The following NKAIN3 variants were observed in gnomAD, a reference collection of about 807,000 sequenced individuals.
NKAIN3 encodes sodium/potassium-transporting ATPase subunit beta-1-interacting protein 3.
Under a neutral mutation model 30.2 loss-of-function variants are expected in NKAIN3, and 25 were observed. That is an observed-to-expected ratio of 0.83 (90% confidence interval 0.60 to 1.16). The LOEUF (loss-of-function observed/expected upper bound fraction) is 1.16, where lower values mean the gene tolerates loss of function less well. Among genes scored for constraint, NKAIN3 ranks in the 50% most tolerant of loss-of-function variants. NKAIN3 has a pLI of 0.00. For missense variants in NKAIN3, 225 were observed against 254.1 expected, an observed-to-expected ratio of 0.89 and a Z score of 0.78; for synonymous variants, 91 against 89.6, an observed-to-expected ratio of 1.02 and a Z score of -0.09.
At chr8:62,572,178 T>C (rs1325903890) in intron 1 of NKAIN3, among the ~76,000 whole-genome samples, 2 of 152,194 alleles carry the variant, frequency 1.3e-5, no homozygotes, top group African/African-American at 4.8e-5. Flanking sequence ...GCTTTGCTGC[T>C]TAGAAATTTC....
intron 4 of NKAIN3, among the ~76,000 whole-genome samples, chr8:62,841,391 C>A (rs961603492): frequency 6.6e-6 from 1 of 152,060 alleles, no homozygotes; most frequent in African/African-American, 2.4e-5. Flanking sequence ...GGTCACCCTG[C>A]TGTGCAACAG....
intron 1 of NKAIN3, among the ~76,000 whole-genome samples, chr8:62,355,594 G>A (rs547426314): frequency 6.6e-6 from 1 of 152,264 alleles, no homozygotes; most frequent in East Asian, 1.9e-4. Flanking sequence ...AATGTACAAA[G>A]TCTTAGGGAT....
intron 4 of NKAIN3, among the ~76,000 whole-genome samples, chr8:62,899,128 G>A (rs182139652): frequency 6.2e-4 from 95 of 152,308 alleles, no homozygotes; most frequent in African/African-American, 2.1e-3. Context: ...GTATACTGTT[G>A]ATGGGAATGT....
chr8:62,321,519 C>T (rs1225904302), intron 1 of NKAIN3, among the ~76,000 whole-genome samples: 1 of 152,088 alleles, frequency 6.6e-6, no homozygotes, highest in Non-Finnish European at 1.5e-5. Context: ...TGTGGATGTC[C>T]TTTCTGTTTG....
chr8:62,846,865 A>T (rs1316036326), intron 4 of NKAIN3, among the ~76,000 whole-genome samples: 5 of 152,112 alleles, frequency 3.3e-5, no homozygotes, highest in African/African-American at 1.2e-4. Context: ...TCGAAGGTGA[A>T]TGAGGAGCAA....
At chr8:62,293,335 T>G (rs1028490329) in intron 1 of NKAIN3, among the ~76,000 whole-genome samples, 4 of 152,214 alleles carry the variant, frequency 2.6e-5, no homozygotes, top group Non-Finnish European at 5.9e-5. Flanking sequence ...ATTCTCAGCT[T>G]TTCTGCTATG....
At chr8:62,930,226 C>G (rs1334599252) in intron 5 of NKAIN3, among the ~76,000 whole-genome samples, 1 of 151,926 alleles carries the variant, frequency 6.6e-6, no homozygotes, top group Non-Finnish European at 1.5e-5. Context: ...TTCATCCTCC[C>G]CTCCCTCCAG....
intron 1 of NKAIN3, among the ~76,000 whole-genome samples, chr8:62,528,371 T>C (rs986182636): frequency 8.0e-6 from 1 of 125,168 alleles, no homozygotes; most frequent in Admixed American, 8.4e-5. Context: ...TGTTGTAGAA[T>C]AAATGTAACA....
At chr8:62,763,846 C>A (rs1459334642) in intron 4 of NKAIN3, among the ~76,000 whole-genome samples, 1 of 152,232 alleles carries the variant, frequency 6.6e-6, no homozygotes, top group African/African-American at 2.4e-5. Context: ...CAGGCACATT[C>A]TCTCTTACAG....
chr8:62,577,628 A>G (rs1379471512), intron 1 of NKAIN3, among the ~76,000 whole-genome samples: 1 of 150,120 alleles, frequency 6.7e-6, no homozygotes, highest in Non-Finnish European at 1.5e-5. Flanking sequence ...AAAATGCTGC[A>G]TAGAAAAGTT....
At chr8:62,434,700 T>C (rs1014651986) in intron 1 of NKAIN3, among the ~76,000 whole-genome samples, 2 of 152,156 alleles carry the variant, frequency 1.3e-5, no homozygotes, top group African/African-American at 4.8e-5. Context: ...AATGCTAGGA[T>C]TTTCCCAAAT....
intron 4 of NKAIN3, chr8:62,864,098 G>C (rs1034122630): frequency 1.0e-4 from 63 of 631,580 alleles, no homozygotes; most frequent in Non-Finnish European, 1.6e-4. Context: ...CGGCGCAAGC[G>C]GGGCTACAGG....
intron 1 of NKAIN3, among the ~76,000 whole-genome samples, chr8:62,500,193 A>G (rs1344053358): frequency 6.6e-6 from 1 of 152,054 alleles, no homozygotes; most frequent in African/African-American, 2.4e-5. Context: ...ATGCTGTTTC[A>G]GTGCCAGAAT....
At chr8:62,991,861 C>G (rs1275552994) in intron 5 of NKAIN3, among the ~76,000 whole-genome samples, 9 of 152,110 alleles carry the variant, frequency 5.9e-5, no homozygotes, top group Admixed American at 1.3e-4. Flanking sequence ...GAATAAAAAA[C>G]AGCTCAAGCA....
intron 4 of NKAIN3, among the ~76,000 whole-genome samples, chr8:62,815,390 C>G (rs371086725): frequency 3.0e-4 from 46 of 151,642 alleles, no homozygotes; most frequent in Non-Finnish European, 1.2e-4. Flanking sequence ...ATCATCCTGA[C>G]ACCAAAGCCT....
rs1244949456 is a variant in NKAIN3 at position 62,345,668 on chromosome 8, CCTGGA to C, written c.54+96542_54+96546del. Among the ~76,000 whole-genome samples, 329 of 142,272 alleles carry C rather than the reference CCTGGA, an allele frequency of 2.3e-3. 2 individuals are homozygous for C. The highest frequency in any genetic ancestry group is 8.3e-3 in the African/African-American group (314 of 37,840). 93.3% of individuals were successfully genotyped at this position (142,272 alleles called of 152,430 possible). On this transcript the variant is annotated intron_variant, in intron 1 of 6. Transcript: ENST00000623646. The stretch of plus-strand genomic sequence containing the variant: ...ATATACACATATATACATATGTATA[CCTGGA>C]ATATATATACCAGACTATATATAAT...
chr8:62,301,518 G>A (rs1484420224), intron 1 of NKAIN3, among the ~76,000 whole-genome samples: 1 of 152,044 alleles, frequency 6.6e-6, no homozygotes, highest in Non-Finnish European at 1.5e-5. Flanking sequence ...CCTTTGATTT[G>A]CCCAAACCCA....
chr8:62,642,338 G>A (rs148407820), intron 3 of NKAIN3, among the ~76,000 whole-genome samples: 173 of 152,090 alleles, frequency 1.1e-3, no homozygotes, highest in African/African-American at 4.0e-3. Context: ...ATACTAATGG[G>A]CACAGTCCAT....
At chr8:62,652,592 T>A (rs1203543175) in intron 3 of NKAIN3, among the ~76,000 whole-genome samples, 1 of 152,200 alleles carries the variant, frequency 6.6e-6, no homozygotes, top group East Asian at 1.9e-4. Flanking sequence ...TGAGGAGGTT[T>A]TAAAGAGGGA....
Sources: allele counts gnomAD v4.1 joint callset (sites outside exome capture counted in the v4.1 genomes callset), GRCh38; gene constraint gnomAD v4.1.1; transcripts MANE v1.5; gene names NCBI Gene and HGNC (gene_info 2026-07-23, HGNC 2026-07-21).